Variants in STRA8 observed in about 807,000 individuals in gnomAD.
STRA8 encodes stimulated by retinoic acid 8, also known as stimulated by retinoic acid gene 8 protein homolog.
In STRA8, 18 loss-of-function variants were observed where a neutral mutation model predicts 37.1. The ratio of observed to expected loss-of-function variants is 0.48; its 90% CI spans 0.34 to 0.72. The LOEUF (loss-of-function observed/expected upper bound fraction) is 0.72. Among genes scored for constraint, STRA8 ranks in the 30% least tolerant of loss-of-function variants. STRA8 has a pLI of 0.01. For missense variants in STRA8, 357 were observed against 410.4 expected, an observed-to-expected ratio of 0.87 and a Z score of 1.13; for synonymous variants, 168 against 162.9, an observed-to-expected ratio of 1.03 and a Z score of -0.24.
In STRA8 at chr7:135,247,091, C is replaced by T. The variant is rs567680871; in HGVS notation, c.879+389C>T. ...CGATCTCCTTACCTCGTGATCCACC[C>T]GCCTCGGCCTTCCGAAGTGCTGGGA... On this transcript the variant is annotated intron_variant, in intron 6 of 8. Coordinates refer to ENST00000662584, the MANE Select transcript of STRA8 (RefSeq NM_001394401.1). 2.9e-5 allele frequency: 5 copies of T among 172,952 alleles called. No individual in the cohort carries two copies. The South Asian group carries it at 6.7e-4, about 23-fold the overall frequency. The allele number at this position is 172,952 out of a possible 1,614,324, so 10.7% of individuals were successfully genotyped here.
chr7:135,253,583 G>C (rs949715109), intron 7 of STRA8, among the ~76,000 whole-genome samples: 1 of 152,192 alleles, frequency 6.6e-6, no homozygotes, highest in African/African-American at 2.4e-5. Context: ...TATGGAAGGA[G>C]GGGAGAAAAG....
At chr7:135,251,737 G>A (rs1370518837) in intron 6 of STRA8, 59 bp from the exon 7 acceptor site, 2 of 1,565,662 alleles carry the variant, frequency 1.3e-6, no homozygotes, top group Non-Finnish European at 1.8e-6. Context: ...CAGCAGCCCA[G>A]GGCAAGCATG....
chr7:135,253,214 G>A (rs571601481), intron 7 of STRA8, among the ~76,000 whole-genome samples: 20 of 152,292 alleles, frequency 1.3e-4, no homozygotes, highest in African/African-American at 4.3e-4. Context: ...GATTACAGGC[G>A]TGAGCCACAG....
In STRA8 at chr7:135,233,855, C is replaced by T. The variant is rs1291062766; in HGVS notation, c.-55C>T. On this transcript the variant is annotated 5_prime_UTR_variant, in exon 1 of 9. Coordinates refer to ENST00000662584, the MANE Select transcript of STRA8 (RefSeq NM_001394401.1). ...CGATCCCCACTCCGGCGCACGAAGC[C>T]GGGTGACTGCTGTCCCGGGAGTGGG... is the stretch of plus-strand genomic sequence containing the variant. Among the ~76,000 whole-genome samples, 1 of 152,182 alleles carries T rather than the reference C, an allele frequency of 6.6e-6. No homozygotes were observed. Among genetic ancestry groups the T allele is most frequent in the Non-Finnish European group, 1.5e-5 (1 of 68,034 alleles).
At position 135,251,045 on chromosome 7, in the gene STRA8, G is replaced by A. The variant is rs573325938; in HGVS notation, c.880-751G>A. 1.1e-4 allele frequency among the ~76,000 whole-genome samples: 17 copies of A among 152,274 alleles called. No individual in the cohort carries two copies. The South Asian group carries it at 3.3e-3, about 30-fold the overall frequency. ...CAACAATGGATATCTGGGTGGGATT[G>A]TTTCTCAGTAATTCTTATTTTCTTG... On this transcript the variant is annotated intron_variant, in intron 6 of 8. Coordinates refer to ENST00000662584, the MANE Select transcript of STRA8 (RefSeq NM_001394401.1).
intron 6 of STRA8, among the ~76,000 whole-genome samples, chr7:135,249,660 A>G (rs1226441597): frequency 6.6e-6 from 1 of 152,244 alleles, no homozygotes; most frequent in Non-Finnish European, 1.5e-5. Flanking sequence ...TCACATGACA[A>G]AGTTGCCTAA....
At chr7:135,238,904 T>C (rs544101967) in intron 1 of STRA8, among the ~76,000 whole-genome samples, 58 of 152,268 alleles carry the variant, frequency 3.8e-4, no homozygotes, top group African/African-American at 1.3e-3. Context: ...CTGTTTTCCC[T>C]TGGAAGATAC....
At chr7:135,238,425 A>G (rs980156888) in intron 1 of STRA8, among the ~76,000 whole-genome samples, 1 of 152,200 alleles carries the variant, frequency 6.6e-6, no homozygotes, top group Non-Finnish European at 1.5e-5. Context: ...CTGTCCACAC[A>G]GCCATCCAGG....
At chr7:135,244,056 G>A (rs1487313345) in intron 4 of STRA8, among the ~76,000 whole-genome samples, 3 of 152,084 alleles carry the variant, frequency 2.0e-5, no homozygotes, top group African/African-American at 7.2e-5. Flanking sequence ...TTTGTTTTTG[G>A]TTTGGTTTGG....
rs1239921495 is a variant in STRA8 at position 135,246,640 on chromosome 7, G to A, written c.817G>A (p.Val273Met). ...CREPACAEGSVKDSGVDSQGA... is the reference protein window; with the variant it reads ...CREPACAEGSMKDSGVDSQGA... ...AGAGCCGGCCTGTGCCGAGGGCAGC[G>A]TGAAGGACAGCGGCGTGGACAGCCA... The change falls in exon 6 of 9, where the codon GTG becomes ATG. Residue 273 changes from valine to methionine, a missense_variant. Transcript: ENST00000662584. This position sits in a 1 kb window ranked among gnomAD's most constrained non-coding sequence, Gnocchi z 5.4. 4 of 1,538,214 alleles carry A rather than the reference G, an allele frequency of 2.6e-6. No individual in the cohort carries two copies. The highest frequency in any genetic ancestry group is 2.0e-5 in the Admixed American group (1 of 50,852).
chr7:135,233,439 AC>A (rs1164504547), upstream of STRA8, among the ~76,000 whole-genome samples: 6 of 152,214 alleles, frequency 3.9e-5, no homozygotes, highest in East Asian at 9.7e-4. Context: ...CCTCAGGACA[AC>A]CCTGTAAGCT....
At chr7:135,235,033 A>G (rs543088136) in intron 1 of STRA8, among the ~76,000 whole-genome samples, 1 of 151,986 alleles carries the variant, frequency 6.6e-6, no homozygotes, top group Non-Finnish European at 1.5e-5. Context: ...CATGACGCCC[A>G]GATAATTTTT....
intron 1 of STRA8, among the ~76,000 whole-genome samples, chr7:135,234,739 G>T (rs1055192253): frequency 6.6e-6 from 1 of 152,226 alleles, no homozygotes; most frequent in African/African-American, 2.4e-5. Context: ...TCATGTGACA[G>T]TGTTAATCCT....
At chr7:135,235,360 T>G (rs1199613352) in intron 1 of STRA8, among the ~76,000 whole-genome samples, 1 of 151,328 alleles carries the variant, frequency 6.6e-6, no homozygotes, top group Non-Finnish European at 1.5e-5. Flanking sequence ...CATACTGCTA[T>G]GTGCTCCATA....
chr7:135,246,708 C>A lies in STRA8; in HGVS notation c.879+6C>A, dbSNP rs1159694140. The stretch of plus-strand genomic sequence containing the variant: ...TGGTCTCCACGCCCGAGGAGGTGAG[C>A]AGGCCCACCGGGGTGGCGTGGATGG... On this transcript the variant is annotated splice_donor_region_variant and intron_variant, in intron 6 of 8. Transcript: ENST00000662584. The surrounding 1 kb of genome is among the most constrained non-coding windows in gnomAD (Gnocchi z 5.4). 2 of 1,514,978 alleles carry A rather than the reference C, an allele frequency of 1.3e-6. No individual in the cohort carries two copies. The highest frequency in any genetic ancestry group is 4.6e-4 in the Middle Eastern group (2 of 4,324). 93.8% of individuals were successfully genotyped at this position (1,514,978 alleles called of 1,614,324 possible). A position where few individuals can be genotyped will look rare whatever the true frequency, so the allele number is the denominator to read the frequency against.
At chr7:135,241,383 A>T (rs1475719089) in intron 2 of STRA8, among the ~76,000 whole-genome samples, 1 of 151,918 alleles carries the variant, frequency 6.6e-6, no homozygotes, top group Non-Finnish European at 1.5e-5. Flanking sequence ...AGCCCCCTCA[A>T]GTCTCCTTTT....
chr7:135,238,625 T>G (rs1269712760), intron 1 of STRA8, among the ~76,000 whole-genome samples: 1 of 152,176 alleles, frequency 6.6e-6, no homozygotes, highest in Admixed American at 6.5e-5. Context: ...CCCACCCGCT[T>G]CCCTTTTTCT....
At chr7:135,252,853 C>T (rs1053603625) in intron 7 of STRA8, among the ~76,000 whole-genome samples, 3 of 152,168 alleles carry the variant, frequency 2.0e-5, no homozygotes, top group Admixed American at 6.5e-5. Flanking sequence ...GTCAGAGGCT[C>T]GGTTTTTCAC....
chr7:135,252,828 C>G (rs925553291), intron 7 of STRA8, among the ~76,000 whole-genome samples: 18 of 152,254 alleles, frequency 1.2e-4, no homozygotes, highest in African/African-American at 4.1e-4. Context: ...AGTCTACGAC[C>G]AAGGTGCCAG....
Sources: allele counts gnomAD v4.1 joint callset (sites outside exome capture counted in the v4.1 genomes callset), GRCh38; gene constraint gnomAD v4.1.1; non-coding constraint Gnocchi (gnomAD v3.1); transcripts MANE v1.5; gene names NCBI Gene and HGNC (gene_info 2026-07-23, HGNC 2026-07-21).